SERPINI2: variants seen among roughly 807,000 people sequenced by gnomAD.
SERPINI2 encodes serpin I2.
SERPINI2 carries 48 observed loss-of-function variants against 47.3 expected under a neutral mutation model. The observed-to-expected ratio is 1.02, with a 90% CI of 0.81 to 1.29. The LOEUF (loss-of-function observed/expected upper bound fraction) is 1.29. SERPINI2 is among the 50% of genes most tolerant of loss of function. The probability of loss-of-function intolerance (pLI) is 0.00; values close to 1 mark genes in which losing one functional copy is unlikely to be tolerated. For missense variants in SERPINI2, 448 were observed against 456.9 expected, an observed-to-expected ratio of 0.98 and a Z score of 0.18; for synonymous variants, 135 against 149.3, an observed-to-expected ratio of 0.90 and a Z score of 0.70.
chr3:167,473,982 A>G, intron 1 of SERPINI2, 21 bp downstream of exon 1: 2 of 1,163,626 alleles, frequency 1.7e-6, no homozygotes, highest in Non-Finnish European at 2.1e-6. Context: ...TTCAAAAGCT[A>G]TTTATTTCTA....
At chr3:167,452,160 T>G (rs1185873137) in intron 6 of SERPINI2, among the ~76,000 whole-genome samples, 2 of 152,222 alleles carry the variant, frequency 1.3e-5, no homozygotes, top group Non-Finnish European at 2.9e-5. Context: ...ATTTCTGCAC[T>G]ATTTCATGTT....
At chr3:167,474,382 T>C (rs1230089902), upstream of SERPINI2, among the ~76,000 whole-genome samples, 1 of 151,744 alleles carries the variant, frequency 6.6e-6, no homozygotes, top group Non-Finnish European at 1.5e-5. Flanking sequence ...GACTCCTACA[T>C]CAGATTACCA....
chr3:167,458,214 A>G (rs1324908979), intron 5 of SERPINI2, among the ~76,000 whole-genome samples: 2 of 148,894 alleles, frequency 1.3e-5, no homozygotes, highest in Admixed American at 1.3e-4. Context: ...TACTTACTGT[A>G]CATTGCTGTG....
At chr3:167,470,579 T>TTTTTTTTTATTTTC in intron 2 of SERPINI2, among the ~76,000 whole-genome samples, 1 of 119,866 alleles carries the variant, frequency 8.3e-6, no homozygotes, top group African/African-American at 3.1e-5. Context: ...TTTTTTTTTT[T>TTTTTTTTTATTTTC]GGAGAAGGAG....
At chr3:167,471,896 G>A (rs1021226000) in intron 1 of SERPINI2, 52 bp from the exon 2 acceptor site, 14 of 1,428,012 alleles carry the variant, frequency 9.8e-6, no homozygotes, top group Admixed American at 3.7e-5. Flanking sequence ...GTTTTCCACA[G>A]AGAGCTCAAC....
chr3:167,475,610 C>A (rs550480429), upstream of SERPINI2, among the ~76,000 whole-genome samples: 10 of 151,738 alleles, frequency 6.6e-5, no homozygotes, highest in African/African-American at 2.4e-4. Context: ...CTGGTTTAAC[C>A]TCTTTTAATA....
intron 5 of SERPINI2, among the ~76,000 whole-genome samples, chr3:167,455,564 C>T (rs974624548): frequency 6.9e-6 from 1 of 144,966 alleles, no homozygotes; most frequent in African/African-American, 2.6e-5. Flanking sequence ...TTAGGCTATT[C>T]TCACACTGCT....
chr3:167,465,345 C>T (rs1750102268), exon 5 of SERPINI2: 4 of 1,610,496 alleles, frequency 2.5e-6, no homozygotes, highest in Non-Finnish European at 3.4e-6. Context: ...AATTCATCAC[C>T]TTTGTAAGAC....
At chr3:167,464,008 G>T (rs1250832013) in intron 5 of SERPINI2, among the ~76,000 whole-genome samples, 1 of 115,368 alleles carries the variant, frequency 8.7e-6, no homozygotes, top group East Asian at 2.4e-4. Context: ...AACAGGAGTG[G>T]CTTTTTTTTT....
intron 5 of SERPINI2, among the ~76,000 whole-genome samples, chr3:167,455,019 C>T (rs1467987475): frequency 6.6e-6 from 1 of 152,154 alleles, no homozygotes; most frequent in Non-Finnish European, 1.5e-5. Context: ...GTGCTAACTG[C>T]CACTACTTTC....
At chr3:167,462,272 G>T (rs1560234462) in intron 5 of SERPINI2, among the ~76,000 whole-genome samples, 1 of 152,048 alleles carries the variant, frequency 6.6e-6, no homozygotes, top group Admixed American at 6.6e-5. Flanking sequence ...AGTTTGCTAG[G>T]GCTGCCATAA....
chr3:167,445,328 T>C (rs747502952), intron 8 of SERPINI2, among the ~76,000 whole-genome samples: 2 of 152,208 alleles, frequency 1.3e-5, no homozygotes, highest in African/African-American at 2.4e-5. Flanking sequence ...GCCTTTCTTC[T>C]TTTATTCACT....
At chr3:167,461,779 G>GT (rs1195013835) in intron 5 of SERPINI2, among the ~76,000 whole-genome samples, 1 of 151,746 alleles carries the variant, frequency 6.6e-6, no homozygotes, top group Non-Finnish European at 1.5e-5. Context: ...TCCAACTAAT[G>GT]TTTTTTTATT....
chr3:167,444,052 G>GA (rs900666794), intron 8 of SERPINI2, among the ~76,000 whole-genome samples: 3 of 151,928 alleles, frequency 2.0e-5, no homozygotes, highest in African/African-American at 7.2e-5. Context: ...CTAATGGCGA[G>GA]AAAAAAAATT....
exon 8 of SERPINI2, chr3:167,446,459 C>T: frequency 1.2e-6 from 2 of 1,607,688 alleles, no homozygotes; most frequent in Non-Finnish European, 1.7e-6. Flanking sequence ...GAGCCAGACT[C>T]ATGATCACAG....
chr3:167,453,420 T>G (rs969549078), intron 5 of SERPINI2, among the ~76,000 whole-genome samples: 1 of 152,216 alleles, frequency 6.6e-6, no homozygotes, highest in Non-Finnish European at 1.5e-5. Context: ...TCCTGGCAGA[T>G]GCCCATGACA....
At chr3:167,471,814 C>A (rs1413183507) in exon 2 of SERPINI2, 2 of 1,610,796 alleles carry the variant, frequency 1.2e-6, no homozygotes, top group South Asian at 1.1e-5. Context: ...ATAGAAGACT[C>A]CACAAGAAGA....
intron 5 of SERPINI2, among the ~76,000 whole-genome samples, chr3:167,458,551 C>T (rs990897259): frequency 3.9e-5 from 6 of 151,940 alleles, no homozygotes; most frequent in African/African-American, 7.3e-5. Context: ...CGTGAGCCAC[C>T]GCTCCCGGCT....
At chr3:167,446,597 G>T in intron 7 of SERPINI2, 116 bp from the exon 8 acceptor site, 1 of 605,158 alleles carries the variant, frequency 1.7e-6, no homozygotes, top group Middle Eastern at 4.8e-4. Context: ...GAGTTAACAT[G>T]TGGAAAAATA....
Sources: allele counts gnomAD v4.1 joint callset (sites outside exome capture counted in the v4.1 genomes callset), GRCh38; gene constraint gnomAD v4.1.1; transcripts MANE v1.5; gene names NCBI Gene and HGNC (gene_info 2026-07-23, HGNC 2026-07-21).